The following FHOD3 variants were observed in gnomAD, a reference collection of about 807,000 sequenced individuals.
FHOD3 encodes the protein FH1/FH2 domain-containing protein 3.
FHOD3 carries 90 observed loss-of-function variants against 173.0 expected under a neutral mutation model. That is an observed-to-expected ratio of 0.52 (90% CI 0.44 to 0.62). The LOEUF (loss-of-function observed/expected upper bound fraction) is 0.62, where lower values mean the gene tolerates loss of function less well. FHOD3 is among the 20% of genes least tolerant of loss of function. The pLI is 0.00. For missense variants in FHOD3, 1,945 were observed against 2,034.7 expected, an observed-to-expected ratio of 0.96 and a Z score of 0.85; for synonymous variants, 828 against 823.0, an observed-to-expected ratio of 1.01 and a Z score of -0.10.
intron 28 of FHOD3, among the ~76,000 whole-genome samples, chr18:36,773,373 G>C (rs753675395): frequency 2.0e-5 from 3 of 152,188 alleles, no homozygotes; most frequent in Non-Finnish European, 4.4e-5. Context: ...GGAGGCATAG[G>C]GTTCCCATGG....
At chr18:36,436,874 A>T (rs1171852860) in intron 3 of FHOD3, among the ~76,000 whole-genome samples, 3 of 152,220 alleles carry the variant, frequency 2.0e-5, no homozygotes, top group Non-Finnish European at 4.4e-5. Context: ...ATTATGCTAA[A>T]ACCTCTTTCC....
chr18:36,762,800 T>A (rs2042937320), intron 27 of FHOD3, among the ~76,000 whole-genome samples: 4 of 147,800 alleles, frequency 2.7e-5, no homozygotes, highest in South Asian at 2.1e-4. Flanking sequence ...TGTCTCAAAA[T>A]ATATATATAT....
intron 3 of FHOD3, among the ~76,000 whole-genome samples, chr18:36,398,600 T>G (rs1358399185): frequency 6.6e-6 from 1 of 152,088 alleles, no homozygotes; most frequent in Non-Finnish European, 1.5e-5. Context: ...ATTGTGATGG[T>G]CAGGGCATAT....
At chr18:36,370,450 G>T (rs1376358047) in intron 2 of FHOD3, among the ~76,000 whole-genome samples, 2 of 152,158 alleles carry the variant, frequency 1.3e-5, no homozygotes, top group East Asian at 1.9e-4. Flanking sequence ...CTGGGTCTTG[G>T]CAGTCATTGT....
intron 3 of FHOD3, among the ~76,000 whole-genome samples, chr18:36,423,579 T>C (rs751265886): frequency 6.6e-6 from 1 of 152,168 alleles, no homozygotes; most frequent in East Asian, 1.9e-4. Flanking sequence ...TGCCTTATTA[T>C]AGTGAACAAT....
At chr18:36,701,476 T>C (rs7234884) in intron 17 of FHOD3, among the ~76,000 whole-genome samples, 79,757 of 151,900 alleles carry the variant, frequency 0.53, 21,138 homozygotes, top group African/African-American at 0.56. Flanking sequence ...CAAGTGAACT[T>C]AATCAGAAGC....
chr18:36,545,323 T>A (rs2057372030), intron 5 of FHOD3, among the ~76,000 whole-genome samples: 1 of 152,056 alleles, frequency 6.6e-6, no homozygotes, highest in Non-Finnish European at 1.5e-5. Context: ...ATAACTGCTG[T>A]GAAGAAAAGT....
At chr18:36,472,194 G>A (rs906510001) in intron 3 of FHOD3, among the ~76,000 whole-genome samples, 1 of 152,102 alleles carries the variant, frequency 6.6e-6, no homozygotes, top group Non-Finnish European at 1.5e-5. Flanking sequence ...ATAAACTTTC[G>A]AGTATGAATT....
chr18:36,543,410 C>T lies in FHOD3; in HGVS notation c.511+30867C>T, dbSNP rs1158115647. ...ATCCACTAGCAGAGAAATTTTTGGT[C>T]AAGAAATTTAATTGCATGGTGTTTT... On this transcript the variant is annotated intron_variant, in intron 5 of 28. Transcript: ENST00000590592. Among the ~76,000 whole-genome samples, 5 of 152,160 alleles carry T rather than the reference C, an allele frequency of 3.3e-5. No homozygotes were observed. In the South Asian group the frequency reaches 6.2e-4, roughly 19 times the overall value.
intron 3 of FHOD3, among the ~76,000 whole-genome samples, chr18:36,399,780 A>G (rs2048718518): frequency 6.6e-6 from 1 of 152,210 alleles, no homozygotes; most frequent in African/African-American, 2.4e-5. Flanking sequence ...ATCCAGGATC[A>G]ACTGTTTATA....
intron 5 of FHOD3, among the ~76,000 whole-genome samples, chr18:36,541,198 C>G (rs1008411246): frequency 2.1e-5 from 3 of 146,036 alleles, no homozygotes; most frequent in African/African-American, 7.7e-5. Flanking sequence ...TTGCAGTGAG[C>G]CAAGATCGCA....
chr18:36,615,548 T>C (rs1459858352), intron 9 of FHOD3, among the ~76,000 whole-genome samples: 1 of 152,226 alleles, frequency 6.6e-6, no homozygotes, highest in Non-Finnish European at 1.5e-5. Context: ...TGAATCTTAT[T>C]AGCAAACATG....
intron 3 of FHOD3, among the ~76,000 whole-genome samples, chr18:36,444,735 C>T (rs1199085231): frequency 1.3e-5 from 2 of 151,828 alleles, no homozygotes; most frequent in African/African-American, 2.4e-5. Context: ...ACTTTAACAT[C>T]CCGGAAATCA....
chr18:36,627,754 G>A (rs11661986), intron 10 of FHOD3, among the ~76,000 whole-genome samples: 18,629 of 152,052 alleles, frequency 0.12, 1,221 homozygotes, highest in Non-Finnish European at 0.14. Context: ...AGGTGGGAGT[G>A]CGATAGTGGG....
intron 10 of FHOD3, among the ~76,000 whole-genome samples, chr18:36,636,231 A>C (rs533820553): frequency 6.4e-4 from 98 of 152,186 alleles, no homozygotes; most frequent in Non-Finnish European, 1.2e-3. Context: ...GGTGTGGGTC[A>C]TCCAGCTAGA....
rs991316584 is a variant in FHOD3 at position 36,339,269 on chromosome 18, A to G, written c.166-16270A>G. ...GTCTTGTGATTCCAAGTCATGTTCT[A>G]TGGGCCCCACCATCCAGGAATGCAA... On this transcript the variant is annotated intron_variant, in intron 1 of 28. Transcript: ENST00000590592. Among the ~76,000 whole-genome samples, 12 of 152,136 alleles carry G rather than the reference A, an allele frequency of 7.9e-5. No homozygotes were observed. In the South Asian group the frequency reaches 1.9e-3, roughly 24 times the overall value.
intron 3 of FHOD3, among the ~76,000 whole-genome samples, chr18:36,410,261 A>G (rs940116941): frequency 1.3e-5 from 2 of 152,194 alleles, no homozygotes; most frequent in Non-Finnish European, 2.9e-5. Flanking sequence ...ATAAAATCAT[A>G]TATAGCCTTT....
chr18:36,395,152 G>GTT (rs76356746), intron 3 of FHOD3, among the ~76,000 whole-genome samples: 3 of 147,682 alleles, frequency 2.0e-5, no homozygotes, highest in Admixed American at 6.7e-5. Context: ...AACAGTTTAG[G>GTT]TTTTTTTTTT....
intron 1 of FHOD3, among the ~76,000 whole-genome samples, chr18:36,303,258 C>T (rs1201349182): frequency 6.6e-6 from 1 of 152,194 alleles, no homozygotes; most frequent in Non-Finnish European, 1.5e-5. Flanking sequence ...AGTGAAGGAG[C>T]TAAGATTTAA....
Sources: allele counts gnomAD v4.1 joint callset (sites outside exome capture counted in the v4.1 genomes callset), GRCh38; gene constraint gnomAD v4.1.1; transcripts MANE v1.5; gene names NCBI Gene and HGNC (gene_info 2026-07-23, HGNC 2026-07-21).